Variants in KCNH8 observed in about 807,000 individuals in gnomAD.
The protein encoded by KCNH8 is potassium voltage-gated channel subfamily H member 8.
Under a neutral mutation model 103.6 loss-of-function variants are expected in KCNH8, and 70 were observed. That is an observed-to-expected ratio of 0.68 (90% confidence interval 0.56 to 0.82). The LOEUF (loss-of-function observed/expected upper bound fraction) is 0.82. KCNH8 is among the 40% of genes least tolerant of loss of function. The pLI is 0.00. For synonymous variants in KCNH8, 498 were observed against 489.4 expected (o/e 1.02, Z -0.23); for missense variants, 1,217 against 1,329.9 (o/e 0.92, Z 1.32).
intron 15 of KCNH8, among the ~76,000 whole-genome samples, chr3:19,529,063 A>G (rs1382671754): frequency 6.6e-6 from 1 of 152,166 alleles, no homozygotes; most frequent in East Asian, 1.9e-4. Flanking sequence ...AATAGCATGC[A>G]CCAGGGCAGT....
chr3:19,386,175 A>G (rs2066353746), intron 5 of KCNH8, among the ~76,000 whole-genome samples: 1 of 152,128 alleles, frequency 6.6e-6, no homozygotes, highest in Non-Finnish European at 1.5e-5. Context: ...AGTGTGGGAG[A>G]TAAGTGAAAT....
chr3:19,313,651 G>A (rs1355143958), intron 3 of KCNH8, among the ~76,000 whole-genome samples: 1 of 148,036 alleles, frequency 6.8e-6, no homozygotes, highest in East Asian at 2.1e-4. Flanking sequence ...CTAAGTTCTT[G>A]AAATTGAAGT....
At chr3:19,474,511 T>G (rs2067930152) in intron 11 of KCNH8, among the ~76,000 whole-genome samples, 1 of 152,160 alleles carries the variant, frequency 6.6e-6, no homozygotes, top group South Asian at 2.1e-4. Flanking sequence ...AGGGGAAAAC[T>G]GAAGTACCTC....
At chr3:19,518,118 A>C (rs1407194518) in intron 15 of KCNH8, 44 bp downstream of exon 15, 2 of 1,463,264 alleles carry the variant, frequency 1.4e-6, no homozygotes, top group South Asian at 2.3e-5. Context: ...GTAAGAGGAG[A>C]TATAAATCCT....
At chr3:19,168,219 G>T (rs2063305116) in intron 1 of KCNH8, among the ~76,000 whole-genome samples, 3 of 151,776 alleles carry the variant, frequency 2.0e-5, no homozygotes, top group Admixed American at 6.6e-5. Context: ...GTAGAGACAG[G>T]GTTTCGCCAT....
intron 11 of KCNH8, among the ~76,000 whole-genome samples, chr3:19,502,009 A>C (rs1299348331): frequency 2.6e-5 from 4 of 151,938 alleles, no homozygotes; most frequent in East Asian, 1.9e-4. Context: ...ACATGATTGT[A>C]TATCTAGAAA....
chr3:19,534,043 C>T lies in KCNH8; in HGVS notation c.3268C>T (p.Leu1090=). 1.2e-6 allele frequency: 2 copies of T among 1,614,148 alleles called. No homozygotes were observed. The highest frequency in any genetic ancestry group is 1.7e-6 in the Non-Finnish European group (2 of 1,180,012). ...TACAAAACCTTTGGAGAACCTTCCACTGGAAGTTGTCACAAGCACAGCAGA... is the reference window on the plus strand; with the variant it reads ...TACAAAACCTTTGGAGAACCTTCCATTGGAAGTTGTCACAAGCACAGCAGA... ...ASTKPLENLP[L]EVVTSTAEVK... The change falls in exon 16 of 16, where the codon CTG becomes TTG. Residue 1090 remains leucine (L), a synonymous_variant. Transcript: ENST00000328405.
intron 3 of KCNH8, among the ~76,000 whole-genome samples, chr3:19,307,635 A>G (rs1271355887): frequency 1.3e-5 from 2 of 151,982 alleles, no homozygotes; most frequent in African/African-American, 2.4e-5. Context: ...TAGGCAACCT[A>G]TGGAATCAAC....
At position 19,400,869 on chromosome 3, in the gene KCNH8, G is replaced by A. The variant is rs143860325; in HGVS notation, c.1177+5558G>A. Among the ~76,000 whole-genome samples the A allele has an allele frequency of 7.4e-4, 112 of 151,898 alleles. 1 individual carries two copies. In the East Asian group the frequency reaches 0.021, roughly 28 times the overall value. On this transcript the variant is annotated intron_variant, in intron 7 of 15. Transcript: ENST00000328405. ...GGCTGATTACTTCAGTAACTGCATC[G>A]GTTTTCCTAAAGAAGGTTGAATTTA...
intron 8 of KCNH8, among the ~76,000 whole-genome samples, chr3:19,448,217 A>C (rs556369809): frequency 2.0e-5 from 3 of 152,108 alleles, no homozygotes; most frequent in South Asian, 4.1e-4. Flanking sequence ...GCTATTTAAC[A>C]TAATGAGTAT....
chr3:19,284,809 A>G (rs2064807959), intron 3 of KCNH8, among the ~76,000 whole-genome samples: 1 of 151,550 alleles, frequency 6.6e-6, no homozygotes, highest in Non-Finnish European at 1.5e-5. Flanking sequence ...CAGCTTGGCA[A>G]TTGAGGTTCT....
intron 5 of KCNH8, among the ~76,000 whole-genome samples, chr3:19,355,248 G>A (rs1469052983): frequency 6.6e-6 from 1 of 152,208 alleles, no homozygotes; most frequent in Non-Finnish European, 1.5e-5. Flanking sequence ...TGCTAGAGAG[G>A]ATGTGGAGAA....
chr3:19,404,403 T>C (rs1046509002), intron 7 of KCNH8, among the ~76,000 whole-genome samples: 1 of 151,954 alleles, frequency 6.6e-6, no homozygotes, highest in Non-Finnish European at 1.5e-5. Context: ...GTGGGTCTTT[T>C]TTGAGTATTT....
chr3:19,308,664 C>T (rs1012663546), intron 3 of KCNH8, among the ~76,000 whole-genome samples: 21 of 19,962 alleles, frequency 1.1e-3, no homozygotes, highest in African/African-American at 5.3e-3. Context: ...CTCTCTCTCT[C>T]TCTCTCTCTC....
intron 1 of KCNH8, among the ~76,000 whole-genome samples, chr3:19,231,549 G>A (rs923431798): frequency 6.6e-6 from 1 of 151,924 alleles, no homozygotes; most frequent in Non-Finnish European, 1.5e-5. Flanking sequence ...AAGAGAGATG[G>A]CATCTTTTTT....
intron 15 of KCNH8, among the ~76,000 whole-genome samples, chr3:19,524,034 G>C (rs2069018975): frequency 6.6e-6 from 1 of 151,790 alleles, no homozygotes. Context: ...TTTAAGAGTT[G>C]CTTTACTACT....
chr3:19,458,392 G>C (rs992185584), intron 11 of KCNH8, among the ~76,000 whole-genome samples: 9 of 151,804 alleles, frequency 5.9e-5, no homozygotes, highest in African/African-American at 1.5e-4. Context: ...AGCAAAGAGA[G>C]AAAAATCGCT....
Position 19,403,250 on chromosome 3 carries a change from C to T in KCNH8, c.1177+7939C>T, listed in dbSNP as rs193124839. Among the ~76,000 whole-genome samples the T allele has an allele frequency of 2.3e-4, 34 of 150,688 alleles. 1 individual carries two copies. The East Asian group carries it at 4.7e-3, about 21-fold the overall frequency. ...TTTTGAAAATCTTTGACCTTTTATA[C>T]GATAATTAACTTGCAATCTGTACTC... On this transcript the variant is annotated intron_variant, in intron 7 of 15. Transcript: ENST00000328405.
intron 1 of KCNH8, among the ~76,000 whole-genome samples, chr3:19,160,853 C>T (rs1575404120): frequency 2.0e-5 from 3 of 152,178 alleles, no homozygotes; most frequent in South Asian, 2.1e-4. Context: ...TCAACTGTTG[C>T]GGTTTCACAG....
Sources: allele counts gnomAD v4.1 joint callset (sites outside exome capture counted in the v4.1 genomes callset), GRCh38; gene constraint gnomAD v4.1.1; transcripts MANE v1.5; gene names NCBI Gene and HGNC (gene_info 2026-07-23, HGNC 2026-07-21).